CENPW: variants seen among roughly 807,000 people sequenced by gnomAD.
CENPW encodes cancer-up-regulated gene 2 protein.
A neutral mutation model predicts 11.1 loss-of-function variants in CENPW; 3 were observed. The observed-to-expected ratio is 0.27, with a 90% confidence interval of 0.12 to 0.70. The LOEUF (loss-of-function observed/expected upper bound fraction) is 0.70, where lower values mean the gene tolerates loss of function less well. CENPW is among the 30% of genes least tolerant of loss of function. CENPW has a pLI of 0.77. For missense variants in CENPW, 100 were observed against 105.6 expected (o/e 0.95, Z 0.23); for synonymous variants, 38 against 42.0 (o/e 0.91, Z 0.37).
At chr6:126,352,872 C>T (rs191529957), downstream of CENPW, among the ~76,000 whole-genome samples, 91 of 152,088 alleles carry the variant, frequency 6.0e-4, no homozygotes, top group Admixed American at 1.7e-3. Context: ...TTTGAATTAA[C>T]TTTTATGATT....
the CENPW span, among the ~76,000 whole-genome samples, chr6:126,455,500 C>T: frequency 6.6e-6 from 1 of 151,414 alleles, no homozygotes; most frequent in African/African-American, 2.4e-5. Flanking sequence ...ATAGAAAAGG[C>T]TTTTGATAAC....
chr6:126,441,648 C>T, the CENPW span, among the ~76,000 whole-genome samples: 1 of 151,440 alleles, frequency 6.6e-6, no homozygotes, highest in Non-Finnish European at 1.5e-5. Context: ...TTCTATCATT[C>T]TCATGCCTTT....
chr6:126,460,180 A>G, the CENPW span, among the ~76,000 whole-genome samples: 1,089 of 151,734 alleles, frequency 7.2e-3, 12 homozygotes, highest in African/African-American at 0.025. Flanking sequence ...GTTAATGTGG[A>G]AACAATTTGG....
At chr6:126,350,351 A>C (rs1367402381), downstream of CENPW, among the ~76,000 whole-genome samples, 2 of 151,906 alleles carry the variant, frequency 1.3e-5, no homozygotes, top group Non-Finnish European at 2.9e-5. Flanking sequence ...CAGCACAGTC[A>C]GGTTCTGGTG....
the CENPW span, among the ~76,000 whole-genome samples, chr6:126,373,696 A>T: frequency 1.3e-5 from 2 of 152,330 alleles, no homozygotes; most frequent in South Asian, 2.1e-4. Flanking sequence ...TATCCTCCGG[A>T]ACCTCTCCAT....
chr6:126,389,747 C>T, the CENPW span, among the ~76,000 whole-genome samples: 1 of 151,690 alleles, frequency 6.6e-6, no homozygotes, highest in Non-Finnish European at 1.5e-5. Context: ...TTTATTCCCA[C>T]TATATATACA....
the CENPW span, among the ~76,000 whole-genome samples, chr6:126,463,295 A>C: frequency 6.6e-6 from 1 of 152,156 alleles, no homozygotes; most frequent in South Asian, 2.1e-4. Context: ...ATTATGAAAA[A>C]TATAAGTATC....
the CENPW span, among the ~76,000 whole-genome samples, chr6:126,415,064 G>T: frequency 1.3e-5 from 2 of 152,136 alleles, no homozygotes; most frequent in African/African-American, 4.8e-5. Flanking sequence ...AAACTGAACA[G>T]ATCAATAAGA....
downstream of CENPW, among the ~76,000 whole-genome samples, chr6:126,350,860 TTATAAA>T (rs542575297): frequency 1.0e-3 from 158 of 152,150 alleles, no homozygotes; most frequent in African/African-American, 3.5e-3. Context: ...ACAAAAATAG[TTATAAA>T]TAAATAGGAC....
At chr6:126,474,952 T>C in the CENPW span, among the ~76,000 whole-genome samples, 1 of 152,180 alleles carries the variant, frequency 6.6e-6, no homozygotes, top group Non-Finnish European at 1.5e-5. Context: ...AAGGTTGTAT[T>C]ACACCAGTGT....
Position 126,348,540 on chromosome 6 carries a change from G to T in CENPW, c.*48G>T, listed in dbSNP as rs1275560639. 3.5e-6 allele frequency: 4 copies of T among 1,153,734 alleles called. No individual in the cohort carries two copies. The highest frequency in any genetic ancestry group is 3.9e-6 in the Non-Finnish European group (3 of 772,254). The allele number at this position is 1,153,734 out of a possible 1,614,324, so 71.5% of individuals were successfully genotyped here. A position where few individuals can be genotyped will look rare whatever the true frequency, so the allele number is the denominator to read the frequency against. On this transcript the variant is annotated 3_prime_UTR_variant, in exon 3 of 3. Coordinates refer to ENST00000368328, the MANE Select transcript of CENPW (RefSeq NM_001012507.4). ...AAGTTATGATGCATTCTTTTGGGTGGTAACAGATCATAAAGACATTTTTTA... is the reference window on the plus strand; with the variant it reads ...AAGTTATGATGCATTCTTTTGGGTGTTAACAGATCATAAAGACATTTTTTA...
At chr6:126,389,651 C>T in the CENPW span, among the ~76,000 whole-genome samples, 1 of 123,706 alleles carries the variant, frequency 8.1e-6, no homozygotes, top group South Asian at 3.4e-4. Flanking sequence ...TATCTATGAC[C>T]TTTGCTCTGT....
the CENPW span, among the ~76,000 whole-genome samples, chr6:126,446,698 T>C: frequency 0.01 from 1,533 of 151,174 alleles, 22 homozygotes; most frequent in African/African-American, 0.036. Flanking sequence ...TAGAGGACAA[T>C]GTTATTCAGG....
At chr6:126,407,762 A>G in the CENPW span, among the ~76,000 whole-genome samples, 1 of 152,100 alleles carries the variant, frequency 6.6e-6, no homozygotes, top group Non-Finnish European at 1.5e-5. Context: ...TCCTTTGCCC[A>G]CTTTTTAATG....
the CENPW span, among the ~76,000 whole-genome samples, chr6:126,453,285 G>GA: frequency 1.4e-4 from 21 of 151,098 alleles, no homozygotes; most frequent in African/African-American, 4.1e-4. Flanking sequence ...TGAAATGAAG[G>GA]AAAAAATGTT....
chr6:126,459,970 T>C, the CENPW span, among the ~76,000 whole-genome samples: 9 of 151,634 alleles, frequency 5.9e-5, 1 homozygote, highest in Admixed American at 5.9e-4. Context: ...TTTTAATTAT[T>C]TGTTTTTGAA....
chr6:126,418,672 C>T, the CENPW span, among the ~76,000 whole-genome samples: 42 of 152,032 alleles, frequency 2.8e-4, no homozygotes, highest in African/African-American at 1.0e-3. Context: ...GTTATGGCAA[C>T]TCCATCATCA....
At chr6:126,356,020 A>G in the CENPW span, among the ~76,000 whole-genome samples, 131 of 152,308 alleles carry the variant, frequency 8.6e-4, no homozygotes, top group Non-Finnish European at 1.6e-3. Context: ...ACATTGCTGC[A>G]TGTTTTAAGA....
chr6:126,403,014 A>G, the CENPW span, among the ~76,000 whole-genome samples: 1 of 152,028 alleles, frequency 6.6e-6, no homozygotes, highest in Non-Finnish European at 1.5e-5. Flanking sequence ...TTCATACACA[A>G]TATTATTATG....
Sources: gnomAD v4.1 joint callset for allele counts (sites outside exome capture counted in the v4.1 genomes callset) on GRCh38, gnomAD v4.1.1 for gene constraint, MANE v1.5 for transcripts, NCBI Gene and HGNC (gene_info 2026-07-23, HGNC 2026-07-21) for gene names.